The following NLK variants were observed in gnomAD, a reference collection of about 807,000 sequenced individuals.
The protein encoded by NLK is serine/threonine-protein kinase NLK.
In NLK, 11 loss-of-function variants were observed where a neutral mutation model predicts 59.0. That is an observed-to-expected ratio of 0.19 (90% CI 0.12 to 0.31). NLK has a LOEUF of 0.31. NLK is among the 10% of genes least tolerant of loss of function. The probability of loss-of-function intolerance (pLI) is 1.00; values close to 1 mark genes in which losing one functional copy is unlikely to be tolerated. For missense variants in NLK, 410 were observed against 661.1 expected (o/e 0.62, Z 4.16); for synonymous variants, 235 against 235.9 (o/e 1.00, Z 0.03).
chr17:28,098,781 C>G (rs1170030470), intron 1 of NLK, among the ~76,000 whole-genome samples: 1 of 146,512 alleles, frequency 6.8e-6, no homozygotes, highest in Non-Finnish European at 1.5e-5. Context: ...CTCCCGGGTT[C>G]AAGTGATTTT....
intron 2 of NLK, among the ~76,000 whole-genome samples, chr17:28,123,932 T>C (rs1026343922): frequency 1.5e-4 from 23 of 152,194 alleles, no homozygotes; most frequent in East Asian, 5.8e-4. Flanking sequence ...TAAAAACTTA[T>C]CAGAAAAAAA....
At chr17:28,116,683 A>C (rs1322203784) in intron 1 of NLK, among the ~76,000 whole-genome samples, 1 of 152,190 alleles carries the variant, frequency 6.6e-6, no homozygotes, top group African/African-American at 2.4e-5. Context: ...TGTGAATAAA[A>C]CTGTCTTTTT....
chr17:28,141,547 T>C (rs1449009832), intron 3 of NLK, among the ~76,000 whole-genome samples: 1 of 152,176 alleles, frequency 6.6e-6, no homozygotes, highest in Non-Finnish European at 1.5e-5. Context: ...CTGGAGTAAA[T>C]GCTCTCAAAT....
intron 1 of NLK, among the ~76,000 whole-genome samples, chr17:28,093,445 A>G (rs756077625): frequency 6.6e-6 from 1 of 152,140 alleles, no homozygotes; most frequent in Non-Finnish European, 1.5e-5. Flanking sequence ...CCCTTACTCC[A>G]TAGGCATTCC....
chr17:28,116,876 G>A (rs1330140812), intron 1 of NLK, among the ~76,000 whole-genome samples: 1 of 152,192 alleles, frequency 6.6e-6, no homozygotes, highest in Non-Finnish European at 1.5e-5. Flanking sequence ...CTTGCGCTTT[G>A]TGACCTCTTC....
At chr17:28,139,289 A>G (rs957506897) in intron 3 of NLK, among the ~76,000 whole-genome samples, 1 of 152,194 alleles carries the variant, frequency 6.6e-6, no homozygotes, top group African/African-American at 2.4e-5. Flanking sequence ...TCCTGAGAGC[A>G]CTGAGGGGTT....
intron 1 of NLK, among the ~76,000 whole-genome samples, chr17:28,071,053 G>A (rs1909990575): frequency 6.6e-6 from 1 of 152,168 alleles, no homozygotes; most frequent in Non-Finnish European, 1.5e-5. Flanking sequence ...GGTCTCCTAT[G>A]TATTATAGGA....
At chr17:28,145,460 C>T (rs569826258) in intron 3 of NLK, among the ~76,000 whole-genome samples, 2 of 152,270 alleles carry the variant, frequency 1.3e-5, no homozygotes, top group South Asian at 4.1e-4. Flanking sequence ...ATTGTTCCCT[C>T]AAGTTCCCAT....
At chr17:28,069,282 A>G (rs1233902454) in intron 1 of NLK, among the ~76,000 whole-genome samples, 1 of 152,190 alleles carries the variant, frequency 6.6e-6, no homozygotes, top group African/African-American at 2.4e-5. Context: ...ACTGAATCAT[A>G]TGTCAGTGTA....
At chr17:28,055,883 A>C (rs1212964262) in intron 1 of NLK, among the ~76,000 whole-genome samples, 1 of 152,186 alleles carries the variant, frequency 6.6e-6, no homozygotes, top group Non-Finnish European at 1.5e-5. Context: ...TTTTTGAAAA[A>C]TTCATTCAAA....
intron 1 of NLK, among the ~76,000 whole-genome samples, chr17:28,096,389 TGTC>T (rs2142784426): frequency 6.6e-6 from 1 of 152,320 alleles, no homozygotes; most frequent in South Asian, 2.1e-4. Flanking sequence ...CTTGCAGAAT[TGTC>T]GTTATTGTGA....
chr17:28,132,922 T>C (rs1239363488), intron 3 of NLK, among the ~76,000 whole-genome samples: 2 of 152,150 alleles, frequency 1.3e-5, no homozygotes, highest in South Asian at 2.1e-4. Context: ...CACAGCCTTA[T>C]GAGATAGATT....
chr17:28,099,318 C>T (rs1277064159), intron 1 of NLK, among the ~76,000 whole-genome samples: 4 of 151,920 alleles, frequency 2.6e-5, no homozygotes, highest in Admixed American at 2.6e-4. Context: ...GAATTTTGTA[C>T]ACAGTACAGT....
chr17:28,048,363 T>G (rs1909133089), intron 1 of NLK: 1 of 163,250 alleles, frequency 6.1e-6, no homozygotes, highest in African/African-American at 2.4e-5. Context: ...CATGTTATAC[T>G]GTCCAATATT....
At chr17:28,131,845 C>T (rs1342386461) in intron 2 of NLK, among the ~76,000 whole-genome samples, 2 of 152,106 alleles carry the variant, frequency 1.3e-5, no homozygotes, top group Non-Finnish European at 2.9e-5. Flanking sequence ...TCTTTTCTTA[C>T]AAGAATCTTG....
intron 1 of NLK, chr17:28,048,432 A>G (rs1909136622): frequency 6.6e-6 from 1 of 152,602 alleles, no homozygotes; most frequent in Non-Finnish European, 1.5e-5. Context: ...TGCCCTTTCA[A>G]GCAAGTTAGA....
At chr17:28,169,450 G>A (rs1297396222) in intron 6 of NLK, among the ~76,000 whole-genome samples, 1 of 152,154 alleles carries the variant, frequency 6.6e-6, no homozygotes, top group Non-Finnish European at 1.5e-5. Flanking sequence ...GAGAACATCA[G>A]GAGATGATTA....
At chr17:28,186,124 C>G (rs1909106029) in intron 8 of NLK, among the ~76,000 whole-genome samples, 2 of 152,198 alleles carry the variant, frequency 1.3e-5, no homozygotes, top group South Asian at 4.1e-4. Flanking sequence ...TACAAAGTCA[C>G]CAAATACGAA....
intron 1 of NLK, among the ~76,000 whole-genome samples, chr17:28,067,834 T>TAA (rs34844263): frequency 1.6e-3 from 243 of 147,942 alleles, no homozygotes; most frequent in Non-Finnish European, 2.9e-3. Context: ...TAGACCTTCT[T>TAA]AAAATATATA....
Sources: allele counts gnomAD v4.1 joint callset (sites outside exome capture counted in the v4.1 genomes callset), GRCh38; gene constraint gnomAD v4.1.1; transcripts MANE v1.5; gene names NCBI Gene and HGNC (gene_info 2026-07-23, HGNC 2026-07-21).